The following RSF1 variants were observed in gnomAD, a reference collection of about 807,000 sequenced individuals.
RSF1 encodes HBV pX-associated protein 8.
In RSF1, 13 loss-of-function variants were observed where a neutral mutation model predicts 145.2. The ratio of observed to expected loss-of-function variants is 0.09; its 90% confidence interval spans 0.06 to 0.14. The LOEUF (loss-of-function observed/expected upper bound fraction) is 0.14. Ranked by LOEUF, RSF1 falls within the 10% of genes least tolerant of loss-of-function variation. The pLI is 1.00. For synonymous variants in RSF1, 577 were observed against 592.6 expected (o/e 0.97, Z 0.38); for missense variants, 1,517 against 1,718.2 (o/e 0.88, Z 2.07).
chr11:77,766,186 C>A (rs1948223685), intron 1 of RSF1, among the ~76,000 whole-genome samples: 1 of 151,996 alleles, frequency 6.6e-6, no homozygotes, highest in South Asian at 2.1e-4. Context: ...GGACCATTGT[C>A]TTATCATTCG....
chr11:77,711,408 G>C (rs531010730), intron 5 of RSF1, among the ~76,000 whole-genome samples: 1 of 152,146 alleles, frequency 6.6e-6, no homozygotes, highest in Admixed American at 6.5e-5. Flanking sequence ...AGTGGCTCAC[G>C]CCTGTAATCC....
chr11:77,775,892 T>A (rs1021309645), intron 1 of RSF1, among the ~76,000 whole-genome samples: 1 of 152,198 alleles, frequency 6.6e-6, no homozygotes, highest in Non-Finnish European at 1.5e-5. Context: ...CCTACTCAGC[T>A]TTCTCATGTA....
chr11:77,698,827 T>TGA, intron 6 of RSF1, 134 bp from the exon 7 acceptor site: 4 of 690,940 alleles, frequency 5.8e-6, no homozygotes, highest in Non-Finnish European at 9.7e-6. Flanking sequence ...TATAGTCTCA[T>TGA]CATCAGATAT....
intron 1 of RSF1, among the ~76,000 whole-genome samples, chr11:77,812,914 G>C (rs897868931): frequency 2.7e-5 from 4 of 150,812 alleles, no homozygotes; most frequent in East Asian, 1.9e-4. Flanking sequence ...AATCAGTCTG[G>C]TGTAGTTTCT....
At position 77,693,625 on chromosome 11, in the gene RSF1, A is replaced by G. The variant is rs755982760; in HGVS notation, c.2716-14T>C. 3 of 1,574,528 alleles carry G rather than the reference A, an allele frequency of 1.9e-6. No individual in the cohort carries two copies. Among genetic ancestry groups the G allele is most frequent in the Non-Finnish European group, 8.7e-7 (1 of 1,145,096 alleles). ...ACACAGAAGAATCTGAAATAACCAC[A>G]CTGATGTCAACCTAACTATGACTAA... On this transcript the variant is annotated splice_polypyrimidine_tract_variant and intron_variant, in intron 7 of 15. Transcript: ENST00000308488.
At chr11:77,862,773 T>C in the RSF1 span, among the ~76,000 whole-genome samples, 1 of 152,202 alleles carries the variant, frequency 6.6e-6, no homozygotes, top group Non-Finnish European at 1.5e-5. Flanking sequence ...TGTAAGATGG[T>C]GTTATAATTT....
chr11:77,696,764 C>T (rs1176796664), intron 7 of RSF1, among the ~76,000 whole-genome samples: 1 of 152,110 alleles, frequency 6.6e-6, no homozygotes. Flanking sequence ...AAAATATTGA[C>T]TTAACTTGCA....
At chr11:77,773,466 G>C (rs1001123652) in intron 1 of RSF1, among the ~76,000 whole-genome samples, 16 of 151,780 alleles carry the variant, frequency 1.1e-4, no homozygotes, top group African/African-American at 3.9e-4. Flanking sequence ...TGCTCAATGG[G>C]GGCAAACACT....
chr11:77,705,173 A>G (rs978641152), intron 5 of RSF1, among the ~76,000 whole-genome samples: 1 of 152,240 alleles, frequency 6.6e-6, no homozygotes, highest in Non-Finnish European at 1.5e-5. Context: ...TGAACCTTTA[A>G]GCACTATAAT....
At chr11:77,699,816 G>A (rs1013576384) in intron 6 of RSF1, among the ~76,000 whole-genome samples, 1 of 152,130 alleles carries the variant, frequency 6.6e-6, no homozygotes, top group Non-Finnish European at 1.5e-5. Context: ...AGCATTGCCT[G>A]TAATAGTGAA....
At chr11:77,723,439 G>A (rs1672006711) in intron 5 of RSF1, among the ~76,000 whole-genome samples, 1 of 152,178 alleles carries the variant, frequency 6.6e-6, no homozygotes, top group East Asian at 1.9e-4. Flanking sequence ...CTTCAGCCTG[G>A]GCGACAGAGA....
intron 15 of RSF1, among the ~76,000 whole-genome samples, chr11:77,670,464 AT>A (rs908277431): frequency 2.6e-5 from 4 of 151,686 alleles, no homozygotes; most frequent in African/African-American, 9.7e-5. Flanking sequence ...TTTCTCCTTT[AT>A]TTTTTTCCAA....
chr11:77,683,371 G>C (rs1235982846), intron 11 of RSF1, among the ~76,000 whole-genome samples: 3 of 151,802 alleles, frequency 2.0e-5, no homozygotes, highest in Non-Finnish European at 4.4e-5. Flanking sequence ...AGGATGACAT[G>C]AACAGATTTA....
chr11:77,669,722 T>C (rs1483194472), intron 15 of RSF1, among the ~76,000 whole-genome samples: 1 of 152,228 alleles, frequency 6.6e-6, no homozygotes, highest in African/African-American at 2.4e-5. Context: ...GGTTAGCACA[T>C]TTTTTATGTA....
chr11:77,706,030 C>T (rs1464898142), intron 5 of RSF1, among the ~76,000 whole-genome samples: 1 of 151,922 alleles, frequency 6.6e-6, no homozygotes, highest in Non-Finnish European at 1.5e-5. Context: ...CTTTGGGAGG[C>T]TAAGGTGGGC....
In RSF1 at chr11:77,683,717, T is replaced by C. The variant is rs1959929329; in HGVS notation, c.3058A>G (p.Ser1020Gly). The C allele has an allele frequency of 6.2e-7, 1 of 1,608,304 alleles. No homozygotes were observed. The highest frequency in any genetic ancestry group is 8.5e-7 in the Non-Finnish European group (1 of 1,175,426). Residue 1020 changes from serine (S) to glycine (G), a missense_variant, in exon 11 of 16, where the codon AGC (serine) becomes GGC (glycine). Ser to Gly is a moderately conservative substitution (Grantham distance 56). Coordinates refer to ENST00000308488, the MANE Select transcript of RSF1 (RefSeq NM_016578.4). ...RRSTRTRKCI[S>G]YRFDEFDEAI... ...TTTCCATACACTTCATACCTGTAGC[T>C]TATACATTTCCTTGTTCTTGTTGAC...
intron 1 of RSF1, among the ~76,000 whole-genome samples, chr11:77,794,596 C>T (rs1487820070): frequency 1.3e-5 from 2 of 151,882 alleles, no homozygotes; most frequent in Admixed American, 6.6e-5. Flanking sequence ...GAACAACCAC[C>T]GGGTCAATGA....
rs1186800859 is a variant in RSF1 at position 77,808,526 on chromosome 11, C to CCT, written c.187+12000_187+12001dup. Among the ~76,000 whole-genome samples the CCT allele has an allele frequency of 2.8e-4, 15 of 54,428 alleles. 3 individuals are homozygous for CCT. Among genetic ancestry groups the CCT allele is most frequent in the African/African-American group, 1.5e-3 (15 of 10,098 alleles). 35.7% of individuals were successfully genotyped at this position (54,428 alleles called of 152,430 possible). A position where few individuals can be genotyped will look rare whatever the true frequency, so the allele number is the denominator to read the frequency against. ...TTTAGTATCCCATTCAAATATTATA[C>CCT]CTTTTTTTTTTTTTTTTTTTTTTTT... is the stretch of plus-strand genomic sequence containing the variant. On this transcript the variant is annotated intron_variant, in intron 1 of 15. Coordinates refer to ENST00000308488, the MANE Select transcript of RSF1 (RefSeq NM_016578.4).
At chr11:77,768,388 CCT>C (rs1411089102) in intron 1 of RSF1, among the ~76,000 whole-genome samples, 1 of 152,050 alleles carries the variant, frequency 6.6e-6, no homozygotes. Flanking sequence ...GTCTCGAACT[CCT>C]GACCTCATGA....
Sources: gnomAD v4.1 joint callset for allele counts (sites outside exome capture counted in the v4.1 genomes callset) on GRCh38, gnomAD v4.1.1 for gene constraint, MANE v1.5 for transcripts, NCBI Gene and HGNC (gene_info 2026-07-23, HGNC 2026-07-21) for gene names.